SCN10A: variants seen among roughly 807,000 people sequenced by gnomAD.
SCN10A encodes sodium voltage-gated channel alpha subunit 10, also known as sodium channel protein type 10 subunit alpha.
SCN10A carries 162 observed loss-of-function variants against 170.7 expected under a neutral mutation model. The ratio of observed to expected loss-of-function variants is 0.95; its 90% CI spans 0.84 to 1.08. The LOEUF is 1.08. Ranked by LOEUF, SCN10A falls within the 50% of genes least tolerant of loss-of-function variation. The probability of loss-of-function intolerance (pLI) is 0.00; values close to 1 mark genes in which losing one functional copy is unlikely to be tolerated. For missense variants in SCN10A, 2,527 were observed against 2,436.9 expected (o/e 1.04, Z -0.78); for synonymous variants, 985 against 904.6 (o/e 1.09, Z -1.59).
chr3:38,714,089 A>C lies in SCN10A; in HGVS notation c.3682-9T>G, dbSNP rs1475059290. ...AGACTTATCAGTGAGATCTGAGTGCAGGAGAGGGCAGAAACATCACTCTAG... is the reference window on the plus strand; with the variant it reads ...AGACTTATCAGTGAGATCTGAGTGCCGGAGAGGGCAGAAACATCACTCTAG... On this transcript the variant is annotated splice_polypyrimidine_tract_variant and intron_variant, in intron 21 of 27. Transcript: ENST00000449082. 31 of 1,613,970 alleles carry C rather than the reference A, an allele frequency of 1.9e-5. No individual in the cohort carries two copies. Among genetic ancestry groups the C allele is most frequent in the Non-Finnish European group, 2.5e-5 (30 of 1,179,956 alleles).
rs2063643998 is a variant in SCN10A, at chr3:38,742,463, C to A, written c.1934G>T (p.Trp645Leu). The change falls in exon 14 of 28, where the codon TGG (tryptophan) becomes TTG (leucine). Residue 645 changes from tryptophan to leucine, a missense_variant. By Grantham distance (61) the Trp-to-Leu change is moderately conservative. Transcript: ENST00000449082. Reference sequence around the variant, plus strand: ...CTTCACCCACATGGGGCAGCAATCCCAGATCAGATACTTCTGAGACAAGCT... The same window carrying A: ...CTTCACCCACATGGGGCAGCAATCCAAGATCAGATACTTCTGAGACAAGCT... The part of the protein sequence containing the change: ...LTSLSQKYLI[W>L]DCCPMWVKLK... 6.2e-7 allele frequency: 1 copy of A among 1,614,070 alleles called. No individual in the cohort carries two copies. Among genetic ancestry groups the A allele is most frequent in the African/African-American group, 1.3e-5 (1 of 74,926 alleles).
intron 11 of SCN10A, among the ~76,000 whole-genome samples, chr3:38,754,470 C>T (rs2063781929): frequency 6.6e-6 from 1 of 152,172 alleles, no homozygotes; most frequent in Admixed American, 6.5e-5. Flanking sequence ...AAGTAAGCAT[C>T]ACTGGAGAGA....
intron 5 of SCN10A, among the ~76,000 whole-genome samples, chr3:38,766,442 A>G (rs531537455): frequency 2.8e-4 from 42 of 152,210 alleles, no homozygotes; most frequent in African/African-American, 9.9e-4. Context: ...TTTTAATCAT[A>G]ATGGGATGCT....
intron 3 of SCN10A, among the ~76,000 whole-genome samples, chr3:38,791,547 C>G (rs2064281198): frequency 6.6e-6 from 1 of 152,174 alleles, no homozygotes; most frequent in Non-Finnish European, 1.5e-5. Context: ...GTGTGCTCTT[C>G]CCATCATGGT....
rs111682647 is a variant in SCN10A at position 38,756,559 on chromosome 3, A to T, written c.1290+115T>A. ...GATCTAATATGGTCCCTGAGGCAAG[A>T]TGATTCCTCCTATAGCTCCCTAAAC... is the stretch of plus-strand genomic sequence containing the variant. On this transcript the variant is annotated intron_variant, in intron 10 of 27. Transcript: ENST00000449082. 25,847 of 825,130 alleles carry T rather than the reference A, an allele frequency of 0.031. 490 individuals are homozygous for T. The highest frequency in any genetic ancestry group is 0.045 in the Middle Eastern group (122 of 2,736). 51.1% of individuals were successfully genotyped at this position (825,130 alleles called of 1,614,324 possible).
Position 38,793,764 on chromosome 3 carries a change from C to G in SCN10A, c.247G>C (p.Asp83His). 6.2e-7 allele frequency: 1 copy of G among 1,613,932 alleles called. No individual in the cohort carries two copies. Among genetic ancestry groups the G allele is most frequent in the South Asian group, 1.1e-5 (1 of 91,058 alleles). Residue 83 changes from aspartate to histidine, a missense_variant, in exon 2 of 28, where the codon GAT (aspartate) becomes CAT (histidine). By Grantham distance (81) the Asp-to-His change is moderately conservative. Transcript: ENST00000449082. ...ELIGEPLEDL[D>H]PFYSTHRTFM... ...ACCCGGTGTGTGCTGTAGAACGGAT[C>G]TAGATCCTCCAGGGGCTCCCCGATC...
chr3:38,792,031 G>A lies in SCN10A; in HGVS notation c.389+19C>T. On this transcript the variant is annotated intron_variant, in intron 3 of 27. Coordinates refer to ENST00000449082, the MANE Select transcript of SCN10A (RefSeq NM_006514.4). ...GGTCTAATTGTAACACGTGGAAGAG[G>A]CAATCGTGCAAAGGATATGAGTGGA... 1 of 1,612,478 alleles carries A rather than the reference G, an allele frequency of 6.2e-7. No homozygotes were observed. Among genetic ancestry groups the A allele is most frequent in the Non-Finnish European group, 8.5e-7 (1 of 1,179,218 alleles).
At chr3:38,734,590 T>C (rs1037286580) in intron 15 of SCN10A, among the ~76,000 whole-genome samples, 2 of 152,190 alleles carry the variant, frequency 1.3e-5, no homozygotes, top group African/African-American at 4.8e-5. Context: ...AAGGAGAAAA[T>C]ACATGATTAT....
rs149734017 is a variant in SCN10A at position 38,704,204 on chromosome 3, G to A, written c.4387-2095C>T. Among the ~76,000 whole-genome samples the A allele has an allele frequency of 2.5e-3, 383 of 152,278 alleles. 2 individuals carry two copies. The highest frequency in any genetic ancestry group is 8.2e-3 in the African/African-American group (342 of 41,552). ...ATCCTTGCCTTCTGCTTCATGGTGGGGATGGGTTGCTATCCTGTTGGGTTA... is the reference window on the plus strand; with the variant it reads ...ATCCTTGCCTTCTGCTTCATGGTGGAGATGGGTTGCTATCCTGTTGGGTTA... On this transcript the variant is annotated intron_variant, in intron 26 of 27. Transcript: ENST00000449082.
intron 26 of SCN10A, among the ~76,000 whole-genome samples, chr3:38,702,770 G>A (rs189321138): frequency 4.0e-4 from 61 of 152,366 alleles, no homozygotes; most frequent in Non-Finnish European, 4.8e-4. Context: ...GGTATAGGGC[G>A]TAGGGTCAAG....
At chr3:38,774,215 C>G (rs970528821) in intron 4 of SCN10A, among the ~76,000 whole-genome samples, 2 of 152,026 alleles carry the variant, frequency 1.3e-5, no homozygotes, top group African/African-American at 4.8e-5. Context: ...TTGGTTTCCC[C>G]CCCACACTCT....
At chr3:38,753,371 T>A (rs148965675) in intron 11 of SCN10A, among the ~76,000 whole-genome samples, 1 of 152,322 alleles carries the variant, frequency 6.6e-6, no homozygotes, top group East Asian at 1.9e-4. Context: ...ATCTAAACAT[T>A]GACTTCATAC....
chr3:38,775,050 C>A (rs1043320250), intron 4 of SCN10A, among the ~76,000 whole-genome samples: 3 of 152,086 alleles, frequency 2.0e-5, no homozygotes, highest in Admixed American at 6.5e-5. Context: ...CAATTTAACA[C>A]CTTTCCTCTT....
chr3:38,727,298 C>A (rs534512754), intron 16 of SCN10A, among the ~76,000 whole-genome samples: 16 of 152,272 alleles, frequency 1.1e-4, no homozygotes, highest in African/African-American at 2.4e-4. Flanking sequence ...AAAGGAGGAG[C>A]CCCCCGCTGA....
At position 38,709,551 on chromosome 3, in the gene SCN10A, A is replaced by AT; in HGVS notation, c.4207dup (p.Ile1403AsnfsTer17). 6.2e-7 allele frequency: 1 copy of AT among 1,613,442 alleles called. No individual in the cohort carries two copies. The highest frequency in any genetic ancestry group is 8.5e-7 in the Non-Finnish European group (1 of 1,179,714). On this transcript the variant is annotated frameshift_variant, in exon 25 of 28. Transcript: ENST00000449082. LOFTEE classifies it high-confidence loss of function. ...ATTCAGTGTGAAGAAGCCTCCAAAA[A>AT]TGATGAAGATGACAAAGTACAAATA... is the stretch of plus-strand genomic sequence containing the variant.
intron 15 of SCN10A, among the ~76,000 whole-genome samples, chr3:38,738,632 T>G (rs912338472): frequency 1.3e-5 from 2 of 152,194 alleles, no homozygotes; most frequent in Admixed American, 1.3e-4. Context: ...CAGTTAATAC[T>G]GAGAGATTCC....
intron 1 of SCN10A, among the ~76,000 whole-genome samples, chr3:38,799,425 T>A (rs1416573816): frequency 1.3e-5 from 2 of 152,202 alleles, no homozygotes; most frequent in African/African-American, 2.4e-5. Flanking sequence ...GGAAAAATAA[T>A]GTAGGTAAAA....
chr3:38,725,026 T>C (rs1236900568), intron 18 of SCN10A, 148 bp downstream of exon 18: 3 of 674,424 alleles, frequency 4.4e-6, no homozygotes, highest in Non-Finnish European at 6.7e-6. Context: ...TGGGAGGGAC[T>C]TTAAAAATTC....
intron 1 of SCN10A, among the ~76,000 whole-genome samples, chr3:38,799,513 G>A (rs1055984002): frequency 2.6e-5 from 4 of 152,108 alleles, no homozygotes; most frequent in Admixed American, 6.6e-5. Flanking sequence ...TTATGTAATG[G>A]TATGCTTTTA....
Sources: gnomAD v4.1 joint callset for allele counts (sites outside exome capture counted in the v4.1 genomes callset) on GRCh38, gnomAD v4.1.1 for gene constraint, MANE v1.5 for transcripts, NCBI Gene and HGNC (gene_info 2026-07-23, HGNC 2026-07-21) for gene names.